NAT1: variants seen among roughly 807,000 people sequenced by gnomAD.
NAT1 encodes arylamine N-acetyltransferase 1.
For missense variants in NAT1, 400 were observed against 339.2 expected (o/e 1.18, Z -1.41); for synonymous variants, 144 against 122.6 (o/e 1.17, Z -1.16).
intron 2 of NAT1, among the ~76,000 whole-genome samples, chr8:18,190,513 AAAAACTTTCCTGAGGACTGACTCTG>A: frequency 6.6e-6 from 1 of 152,352 alleles, no homozygotes; most frequent in South Asian, 2.1e-4. Context: ...AGCCCAGGCG[AAAAACTTTCCTGAGGACTGACTCTG>A]AAAACCGATT....
chr8:18,222,766 C>A lies in NAT1; in HGVS notation c.719C>A (p.Thr240Asn). 2 of 1,613,612 alleles carry A rather than the reference C, an allele frequency of 1.2e-6. No homozygotes were observed. The highest frequency in any genetic ancestry group is 3.3e-5 in the Admixed American group (2 of 59,894). The change falls in exon 3 of 3, where the codon ACC becomes AAC. Residue 240 changes from threonine (T) to asparagine (N), a missense_variant. Coordinates refer to ENST00000307719, the MANE Select transcript of NAT1 (RefSeq NM_000662.8). ...GVHCLVGFTL[T>N]HRRFNYKDNT... is the part of the protein sequence containing the mutation. ...CACTGTTTGGTGGGCTTCACCCTCA[C>A]CCATAGGAGATTCAATTATAAGGAC...
chr8:18,189,918 T>C (rs947995759), intron 2 of NAT1, among the ~76,000 whole-genome samples: 1 of 152,138 alleles, frequency 6.6e-6, no homozygotes, highest in Non-Finnish European at 1.5e-5. Flanking sequence ...GCCTCCTGAG[T>C]AGCTGGGACT....
intron 2 of NAT1, among the ~76,000 whole-genome samples, chr8:18,202,461 C>G (rs1803506348): frequency 6.6e-6 from 1 of 152,232 alleles, no homozygotes; most frequent in South Asian, 2.1e-4. Context: ...GTCTCACTGA[C>G]TTCAAGAATG....
chr8:18,208,087 G>A (rs2117316123), upstream of NAT1, among the ~76,000 whole-genome samples: 1 of 152,076 alleles, frequency 6.6e-6, no homozygotes, highest in South Asian at 2.1e-4. Context: ...GACATAGGGA[G>A]GGGAGCAAGA....
chr8:18,197,797 G>A (rs1803298476), intron 2 of NAT1, among the ~76,000 whole-genome samples: 1 of 151,980 alleles, frequency 6.6e-6, no homozygotes, highest in South Asian at 2.1e-4. Flanking sequence ...GTCAGCAGTT[G>A]ATTATCAGGG....
At chr8:18,208,423 G>A (rs370139304), upstream of NAT1, among the ~76,000 whole-genome samples, 104 of 152,290 alleles carry the variant, frequency 6.8e-4, no homozygotes, top group African/African-American at 2.4e-3. Context: ...ATCCAGTAAA[G>A]TAGCAGGATA....
chr8:18,208,873 C>A (rs138746813), upstream of NAT1, among the ~76,000 whole-genome samples: 1 of 152,318 alleles, frequency 6.6e-6, no homozygotes, highest in Non-Finnish European at 1.5e-5. Flanking sequence ...ACTTCACAAC[C>A]ACCTAACTAA....
Position 18,223,037 on chromosome 8 carries a change from A to G in NAT1, c.*117A>G. The G allele has an allele frequency of 1.4e-6, 1 of 716,434 alleles. No homozygotes were observed. The highest frequency in any genetic ancestry group is 2.0e-6 in the Non-Finnish European group (1 of 501,696). The allele number at this position is 716,434 out of a possible 1,614,324, so 44.4% of individuals were successfully genotyped here. A position where few individuals can be genotyped will look rare whatever the true frequency, so the allele number is the denominator to read the frequency against. On this transcript the variant is annotated 3_prime_UTR_variant, in exon 3 of 3. Coordinates refer to ENST00000307719, the MANE Select transcript of NAT1 (RefSeq NM_000662.8). ...TTTTGAAGAAAATCCTAGACATCAA[A>G]TCATTTCACCTATAAAAATGTCATC... is the stretch of plus-strand genomic sequence containing the variant.
chr8:18,201,624 T>TCCCA (rs766834888), intron 2 of NAT1, among the ~76,000 whole-genome samples: 9 of 152,114 alleles, frequency 5.9e-5, no homozygotes, highest in Admixed American at 1.3e-4. Context: ...GGGATAAGAC[T>TCCCA]CCCAGAGGGG....
chr8:18,188,088 T>C (rs1051063398), intron 2 of NAT1, among the ~76,000 whole-genome samples: 2 of 152,072 alleles, frequency 1.3e-5, no homozygotes, highest in African/African-American at 4.8e-5. Flanking sequence ...ACAGACTAGA[T>C]CTAGAAATTA....
chr8:18,221,885 G>C lies in NAT1; in HGVS notation c.-6-157G>C, dbSNP rs567221375. The C allele has an allele frequency of 9.7e-6, 7 of 722,158 alleles. No individual in the cohort carries two copies. In the South Asian group the frequency reaches 1.4e-4, roughly 14 times the overall value. The allele number at this position is 722,158 out of a possible 1,614,324, so 44.7% of individuals were successfully genotyped here. A position where few individuals can be genotyped will look rare whatever the true frequency, so the allele number is the denominator to read the frequency against. On this transcript the variant is annotated intron_variant, in intron 2 of 2. Transcript: ENST00000307719. Reference sequence around the variant, plus strand: ...TTCTGGGACTATTAACTGAACTTATGTGTGTAAAAGGAATTCATACAATGA... The same window carrying C: ...TTCTGGGACTATTAACTGAACTTATCTGTGTAAAAGGAATTCATACAATGA...
In NAT1 at chr8:18,199,738, T is replaced by C. The variant is rs142954194; in HGVS notation, n.93-10043T>C. On this transcript the variant is annotated intron_variant and non_coding_transcript_variant, in intron 2 of 4. Transcript: ENST00000517441. ...CGGCTGCAGTTTTGGAAGTAGCTCATAGCATTTACAATGAGTGGTTATTAC... is the reference window on the plus strand; with the variant it reads ...CGGCTGCAGTTTTGGAAGTAGCTCACAGCATTTACAATGAGTGGTTATTAC... Among the ~76,000 whole-genome samples, 3 of 152,296 alleles carry C rather than the reference T, an allele frequency of 2.0e-5. No homozygotes were observed. In the East Asian group the frequency reaches 5.8e-4, roughly 29 times the overall value.
At chr8:18,184,929 A>T (rs1026776886) in intron 2 of NAT1, among the ~76,000 whole-genome samples, 1 of 152,196 alleles carries the variant, frequency 6.6e-6, no homozygotes, top group Non-Finnish European at 1.5e-5. Flanking sequence ...GTGATATTTG[A>T]CTAGTAAGCT....
chr8:18,206,973 T>C (rs992157583), upstream of NAT1, among the ~76,000 whole-genome samples: 2 of 152,238 alleles, frequency 1.3e-5, no homozygotes, highest in African/African-American at 2.4e-5. Flanking sequence ...TAGTGTTGCC[T>C]AGATTTTCTT....
chr8:18,215,120 G>A (rs920965178), intron 1 of NAT1, among the ~76,000 whole-genome samples: 1 of 151,588 alleles, frequency 6.6e-6, no homozygotes, highest in Non-Finnish European at 1.5e-5. Context: ...CTGTGTCTTT[G>A]CTATTGTGAA....
intron 2 of NAT1, among the ~76,000 whole-genome samples, chr8:18,171,330 A>AT (rs1485789340): frequency 6.6e-6 from 1 of 152,176 alleles, no homozygotes; most frequent in Non-Finnish European, 1.5e-5. Context: ...ACTGGGATGT[A>AT]TTTTTTAATT....
chr8:18,178,194 G>A (rs1278886411), intron 2 of NAT1, among the ~76,000 whole-genome samples: 1 of 151,250 alleles, frequency 6.6e-6, no homozygotes, highest in Admixed American at 6.6e-5. Flanking sequence ...AACTCACACT[G>A]TATGTTTCTA....
At chr8:18,221,851 C>T in intron 2 of NAT1, 191 bp from the exon 3 acceptor site, 1 of 525,248 alleles carries the variant, frequency 1.9e-6, no homozygotes, top group Non-Finnish European at 3.2e-6. Flanking sequence ...TAATACATTT[C>T]TCACAGGATT....
At chr8:18,202,616 G>A (rs1803512380) in intron 2 of NAT1, among the ~76,000 whole-genome samples, 1 of 152,188 alleles carries the variant, frequency 6.6e-6, no homozygotes, top group African/African-American at 2.4e-5. Flanking sequence ...TGAAGCTGTA[G>A]ACCTTCGCAG....
Sources: allele counts gnomAD v4.1 joint callset (sites outside exome capture counted in the v4.1 genomes callset), GRCh38; gene constraint gnomAD v4.1.1; transcripts MANE v1.5; gene names NCBI Gene and HGNC (gene_info 2026-07-23, HGNC 2026-07-21).